Variants in PALM2AKAP2 observed in about 807,000 individuals in gnomAD.
PALM2AKAP2 encodes the protein PALM2-AKAP2 fusion protein.
A neutral mutation model predicts 71.5 loss-of-function variants in PALM2AKAP2; 37 were observed. The ratio of observed to expected loss-of-function variants is 0.52; its 90% confidence interval spans 0.40 to 0.68. The LOEUF (loss-of-function observed/expected upper bound fraction) is 0.68, where lower values mean the gene tolerates loss of function less well. Among genes scored for constraint, PALM2AKAP2 ranks in the 30% least tolerant of loss-of-function variants. The pLI is 0.00. For missense variants in PALM2AKAP2, 1,224 were observed against 1,191.8 expected, an observed-to-expected ratio of 1.03 and a Z score of -0.40; for synonymous variants, 468 against 478.8, an observed-to-expected ratio of 0.98 and a Z score of 0.29.
At chr9:109,937,496 C>G (rs926254231) in intron 6 of PALM2AKAP2, among the ~76,000 whole-genome samples, 2 of 152,076 alleles carry the variant, frequency 1.3e-5, no homozygotes, top group Admixed American at 6.5e-5. Context: ...TTCTTACTCT[C>G]TTTAATAAAA....
At chr9:110,048,600 C>G (rs1300621856), upstream of PALM2AKAP2, 59 of 1,207,378 alleles carry the variant, frequency 4.9e-5, no homozygotes, top group Middle Eastern at 3.1e-4. Context: ...CGCTGGGCTA[C>G]TGGAGGGGAA....
intron 1 of PALM2AKAP2, among the ~76,000 whole-genome samples, chr9:109,796,389 G>A (rs1165211672): frequency 6.6e-6 from 1 of 152,106 alleles, no homozygotes; most frequent in East Asian, 1.9e-4. Context: ...TTTTTATTAA[G>A]TAAAATCTAG....
intron 1 of PALM2AKAP2, among the ~76,000 whole-genome samples, chr9:109,646,773 G>A (rs748259422): frequency 2.6e-5 from 4 of 152,268 alleles, no homozygotes; most frequent in East Asian, 3.9e-4. Flanking sequence ...AGGAGCTTAC[G>A]GCTTAGTCTA....
chr9:109,842,743 A>C (rs1828733978), intron 1 of PALM2AKAP2, among the ~76,000 whole-genome samples: 1 of 152,176 alleles, frequency 6.6e-6, no homozygotes, highest in South Asian at 2.1e-4. Context: ...GGTCAGGTGC[A>C]GTGGCTCATG....
chr9:109,932,041 G>A lies in PALM2AKAP2; in HGVS notation c.496+13G>A, dbSNP rs751837630. 4 of 1,608,934 alleles carry A rather than the reference G, an allele frequency of 2.5e-6. No homozygotes were observed. The highest frequency in any genetic ancestry group is 3.4e-6 in the Non-Finnish European group (4 of 1,176,958). On this transcript the variant is annotated intron_variant, in intron 6 of 9. Coordinates refer to the PALM2AKAP2 transcript ENST00000302798. ...AGCAGAGCGGCTGGTAAGTCCTGGG[G>A]ACCTTTGGACGCTAGGATGGTCCAA... is the stretch of plus-strand genomic sequence containing the variant.
chr9:109,648,151 C>T (rs576878368), intron 1 of PALM2AKAP2, among the ~76,000 whole-genome samples: 2 of 152,238 alleles, frequency 1.3e-5, no homozygotes, highest in Non-Finnish European at 2.9e-5. Context: ...CCATGTAAGA[C>T]GTGCCTGCTT....
At chr9:109,783,943 C>T (rs79779234) in intron 1 of PALM2AKAP2, among the ~76,000 whole-genome samples, 5,023 of 152,328 alleles carry the variant, frequency 0.033, 195 homozygotes, top group East Asian at 0.19. Flanking sequence ...TTAGAAACTA[C>T]AGTGCTTTAA....
intron 1 of PALM2AKAP2, among the ~76,000 whole-genome samples, chr9:109,856,369 A>G (rs572202864): frequency 5.3e-5 from 8 of 152,370 alleles, no homozygotes; most frequent in African/African-American, 1.2e-4. Context: ...GTTGCAAAGA[A>G]TGTGGTGGGA....
chr9:109,768,487 C>G (rs1268353943), intron 1 of PALM2AKAP2, among the ~76,000 whole-genome samples: 1 of 152,090 alleles, frequency 6.6e-6, no homozygotes, highest in African/African-American at 2.4e-5. Context: ...GCACCTCAAG[C>G]TTTTATGATT....
chr9:109,973,658 T>C (rs913622407), intron 6 of PALM2AKAP2, among the ~76,000 whole-genome samples: 7 of 152,156 alleles, frequency 4.6e-5, no homozygotes, highest in Admixed American at 3.9e-4. Context: ...CAGAAAGGAT[T>C]TGGGGGCAAT....
At position 110,037,580 on chromosome 9, in the gene PALM2AKAP2, G is replaced by T. The variant is rs2132445440; in HGVS notation, c.582+21541G>T. Among the ~76,000 whole-genome samples, 3 of 152,270 alleles carry T rather than the reference G, an allele frequency of 2.0e-5. 1 individual carries two copies. In the South Asian group the frequency reaches 6.2e-4, roughly 32 times the overall value. ...TCTAGAAATTAACAAAAGAGACCAGGTCTTGTACTTATGTAGATTACACTT... is the reference window on the plus strand; with the variant it reads ...TCTAGAAATTAACAAAAGAGACCAGTTCTTGTACTTATGTAGATTACACTT... On this transcript the variant is annotated intron_variant, in intron 7 of 9. Coordinates refer to the PALM2AKAP2 transcript ENST00000302798.
At chr9:109,855,067 G>GCC (rs531960730) in intron 1 of PALM2AKAP2, among the ~76,000 whole-genome samples, 1 of 142,094 alleles carries the variant, frequency 7.0e-6, no homozygotes, top group African/African-American at 2.6e-5. Context: ...CATGCCTGGT[G>GCC]CCCCCCCCTT....
At chr9:110,010,020 T>G (rs2132315123) in intron 6 of PALM2AKAP2, among the ~76,000 whole-genome samples, 1 of 152,338 alleles carries the variant, frequency 6.6e-6, no homozygotes, top group South Asian at 2.1e-4. Flanking sequence ...GCTAATGGAC[T>G]TATTCCTCTG....
chr9:109,824,323 T>C (rs1369753296), intron 1 of PALM2AKAP2, among the ~76,000 whole-genome samples: 1 of 152,206 alleles, frequency 6.6e-6, no homozygotes, highest in African/African-American at 2.4e-5. Flanking sequence ...GTCCCCACCA[T>C]AACAGTTTCT....
intron 1 of PALM2AKAP2, among the ~76,000 whole-genome samples, chr9:109,785,973 T>C (rs1826951150): frequency 6.6e-6 from 1 of 152,248 alleles, no homozygotes; most frequent in Non-Finnish European, 1.5e-5. Context: ...TCTTTCATTC[T>C]TGAAATTCTC....
chr9:109,807,140 G>A, intron 1 of PALM2AKAP2, among the ~76,000 whole-genome samples: 2 of 147,424 alleles, frequency 1.4e-5, no homozygotes, highest in Non-Finnish European at 3.1e-5. Context: ...TAAGTGGAAT[G>A]TGAGAGAGAG....
At chr9:109,794,576 G>A (rs542517171) in intron 1 of PALM2AKAP2, among the ~76,000 whole-genome samples, 1 of 152,208 alleles carries the variant, frequency 6.6e-6, no homozygotes, top group Admixed American at 6.5e-5. Context: ...TCCCTGTTCA[G>A]TTACCTCATG....
chr9:109,700,837 C>G (rs1462744079), intron 1 of PALM2AKAP2, among the ~76,000 whole-genome samples: 1 of 152,164 alleles, frequency 6.6e-6, no homozygotes, highest in East Asian at 1.9e-4. Context: ...TCACCACTCT[C>G]TTATGTTTTC....
chr9:110,126,188 C>T (rs1835601666), intron 1 of PALM2AKAP2, among the ~76,000 whole-genome samples: 1 of 151,908 alleles, frequency 6.6e-6, no homozygotes. Context: ...ACAGAATCAT[C>T]TGTAGACAGA....
Sources: gnomAD v4.1 joint callset for allele counts (sites outside exome capture counted in the v4.1 genomes callset) on GRCh38, gnomAD v4.1.1 for gene constraint, MANE v1.5 for transcripts, NCBI Gene and HGNC (gene_info 2026-07-23, HGNC 2026-07-21) for gene names.